ARMC8: variants seen among roughly 807,000 people sequenced by gnomAD.
The protein encoded by ARMC8 is armadillo repeat containing 8, also known as armadillo repeat-containing protein 8.
Under a neutral mutation model 99.3 loss-of-function variants are expected in ARMC8, and 20 were observed. The ratio of observed to expected loss-of-function variants is 0.20; its 90% CI spans 0.14 to 0.29. ARMC8 has a LOEUF of 0.29. Ranked by LOEUF, ARMC8 falls within the 10% of genes least tolerant of loss-of-function variation. The pLI is 1.00. For synonymous variants in ARMC8, 263 were observed against 278.3 expected, an observed-to-expected ratio of 0.95 and a Z score of 0.55; for missense variants, 569 against 809.5, an observed-to-expected ratio of 0.70 and a Z score of 3.60.
Position 138,196,736 on chromosome 3 carries a change from G to A in ARMC8, c.45+9137G>A, listed in dbSNP as rs964274288. ...AAAAAAATTAGCCAGGTGTGGTGGC[G>A]CACACCTGTAATCCCAGCTACTTGG... On this transcript the variant is annotated intron_variant, in intron 1 of 21. Coordinates refer to ENST00000469044, the MANE Select transcript of ARMC8 (RefSeq NM_001363941.2). Among the ~76,000 whole-genome samples, 38 of 152,036 alleles carry A rather than the reference G, an allele frequency of 2.5e-4. No individual in the cohort carries two copies. The East Asian group carries it at 2.9e-3, about 12-fold the overall frequency.
chr3:138,244,017 C>G (rs751512810), intron 11 of ARMC8, among the ~76,000 whole-genome samples: 11 of 152,078 alleles, frequency 7.2e-5, no homozygotes, highest in Non-Finnish European at 1.3e-4. Flanking sequence ...TTGAAAGTAT[C>G]CTGAAAATAT....
intron 18 of ARMC8, among the ~76,000 whole-genome samples, chr3:138,276,394 T>C (rs2049296292): frequency 6.6e-6 from 1 of 152,200 alleles, no homozygotes; most frequent in South Asian, 2.1e-4. Context: ...TCACTGCCCT[T>C]AAATTGGGAA....
At chr3:138,292,427 AG>A (rs1259267316) in intron 21 of ARMC8, among the ~76,000 whole-genome samples, 1 of 152,232 alleles carries the variant, frequency 6.6e-6, no homozygotes. Context: ...GACCAGTTAA[AG>A]GCCATTGTAA....
rs963782770 is a variant in ARMC8 at position 138,236,256 on chromosome 3, A to G, written c.610-1053A>G. 1.6e-4 allele frequency among the ~76,000 whole-genome samples: 24 copies of G among 152,202 alleles called. No individual in the cohort carries two copies. In the East Asian group the frequency reaches 4.6e-3, roughly 29 times the overall value. On this transcript the variant is annotated intron_variant, in intron 7 of 21. Coordinates refer to ENST00000469044, the MANE Select transcript of ARMC8 (RefSeq NM_001363941.2). Reference sequence around the variant, plus strand: ...TTCAAACTAGCCAGAGGCAGGGGAAATAAATATATACTGAAAGGTACCTCC... The same window carrying G: ...TTCAAACTAGCCAGAGGCAGGGGAAGTAAATATATACTGAAAGGTACCTCC...
intron 21 of ARMC8, among the ~76,000 whole-genome samples, chr3:138,295,393 G>A (rs190641819): frequency 6.6e-6 from 1 of 152,254 alleles, no homozygotes; most frequent in African/African-American, 2.4e-5. Flanking sequence ...CCCCTTCCAT[G>A]CACCTTCTAA....
At position 138,223,031 on chromosome 3, in the gene ARMC8, T is replaced by C. The variant is rs550225597; in HGVS notation, c.195-358T>C. Among the ~76,000 whole-genome samples, 3 of 152,220 alleles carry C rather than the reference T, an allele frequency of 2.0e-5. No individual in the cohort carries two copies. The South Asian group carries it at 6.2e-4, about 32-fold the overall frequency. ...AGAGCAGTAGCATTTCTAGTTTGAGTTTAAGATCTGGCAGCACATGGCATT... is the reference window on the plus strand; with the variant it reads ...AGAGCAGTAGCATTTCTAGTTTGAGCTTAAGATCTGGCAGCACATGGCATT... On this transcript the variant is annotated intron_variant, in intron 3 of 21. Transcript: ENST00000469044.
intron 3 of ARMC8, 50 bp downstream of exon 3, chr3:138,222,047 G>A (rs1467929879): frequency 3.5e-6 from 5 of 1,423,022 alleles, no homozygotes; most frequent in Admixed American, 3.4e-5. Context: ...AGTTTCTAAT[G>A]TATTTCTTAC....
chr3:138,209,058 A>G (rs1395138846), intron 1 of ARMC8, among the ~76,000 whole-genome samples: 1 of 152,210 alleles, frequency 6.6e-6, no homozygotes, highest in Non-Finnish European at 1.5e-5. Flanking sequence ...CATTAGTCTA[A>G]GGATTTCCTC....
chr3:138,222,018 C>CTT, intron 3 of ARMC8, 21 bp downstream of exon 3: 3 of 1,594,928 alleles, frequency 1.9e-6, no homozygotes, highest in Non-Finnish European at 2.6e-6. Context: ...TGTCTCACCC[C>CTT]TTTCTTGCCA....
At chr3:138,263,857 GC>G in intron 13 of ARMC8, 36 bp downstream of exon 13, 1 of 1,579,000 alleles carries the variant, frequency 6.3e-7, no homozygotes, top group Non-Finnish European at 8.7e-7. Context: ...AAAACCTTTT[GC>G]CATATATTTA....
At chr3:138,278,693 A>G (rs1283941566) in intron 18 of ARMC8, among the ~76,000 whole-genome samples, 3 of 152,172 alleles carry the variant, frequency 2.0e-5, no homozygotes, top group African/African-American at 4.8e-5. Context: ...ATTCATGAAT[A>G]TATCTTCCCA....
chr3:138,289,171 T>G, intron 20 of ARMC8, 51 bp downstream of exon 20: 1 of 1,449,998 alleles, frequency 6.9e-7, no homozygotes, highest in Middle Eastern at 1.8e-4. Context: ...AAGAGTGTCT[T>G]GCACAGGGAA....
In ARMC8 at chr3:138,237,605, G is replaced by A. The variant is rs201557056; in HGVS notation, c.776+33G>A. 73 of 1,555,432 alleles carry A rather than the reference G, an allele frequency of 4.7e-5. No homozygotes were observed. In the East Asian group the frequency reaches 1.1e-3, roughly 23 times the overall value. ...TCAGGACAATGTGGGAAGAAAGACA[G>A]TGCTTTATCAATATCTTAGAGTATT... On this transcript the variant is annotated intron_variant, in intron 9 of 21. Transcript: ENST00000469044.
rs185585832 is a variant in ARMC8 at position 138,242,575 on chromosome 3, A to C, written c.1038+592A>C. ...TATTTATTTTGACTTGTTGCATCTC[A>C]GCCTGTTTGCCCTATCCATTTCTTT... is the stretch of plus-strand genomic sequence containing the variant. On this transcript the variant is annotated intron_variant, in intron 11 of 21. Transcript: ENST00000469044. Among the ~76,000 whole-genome samples the C allele has an allele frequency of 2.1e-3, 325 of 152,314 alleles. 1 individual carries two copies. The highest frequency in any genetic ancestry group is 7.5e-3 in the African/African-American group (310 of 41,572).
At chr3:138,203,373 G>A (rs1051988846) in intron 1 of ARMC8, among the ~76,000 whole-genome samples, 1 of 152,198 alleles carries the variant, frequency 6.6e-6, no homozygotes, top group East Asian at 1.9e-4. Context: ...CCTAGTTGGT[G>A]CCTCTGGCCC....
intron 17 of ARMC8, 47 bp from the exon 18 acceptor site, chr3:138,274,402 G>T: frequency 7.8e-7 from 1 of 1,278,544 alleles, no homozygotes. Context: ...TATTCGTCCT[G>T]TGGTCTTTGT....
intron 12 of ARMC8, among the ~76,000 whole-genome samples, chr3:138,247,557 A>G (rs1459542010): frequency 6.6e-6 from 1 of 152,220 alleles, no homozygotes; most frequent in Non-Finnish European, 1.5e-5. Context: ...TACATTCGGT[A>G]AATAACATGT....
intron 11 of ARMC8, among the ~76,000 whole-genome samples, chr3:138,242,469 G>C (rs527381017): frequency 7.2e-5 from 11 of 152,262 alleles, no homozygotes; most frequent in African/African-American, 2.4e-4. Flanking sequence ...GACAGCTAAA[G>C]CATCATTTAA....
chr3:138,281,454 A>T (rs974350013), intron 18 of ARMC8, among the ~76,000 whole-genome samples: 1 of 151,882 alleles, frequency 6.6e-6, no homozygotes, highest in Admixed American at 6.6e-5. Flanking sequence ...CACCACACCC[A>T]GCTAGTCTTT....
Sources: gnomAD v4.1 joint callset for allele counts (sites outside exome capture counted in the v4.1 genomes callset) on GRCh38, gnomAD v4.1.1 for gene constraint, MANE v1.5 for transcripts, NCBI Gene and HGNC (gene_info 2026-07-23, HGNC 2026-07-21) for gene names.